Variants in NEDD9 observed in about 807,000 individuals in gnomAD.
The protein encoded by NEDD9 is enhancer of filamentation 1.
NEDD9 carries 26 observed loss-of-function variants against 76.6 expected under a neutral mutation model. The ratio of observed to expected loss-of-function variants is 0.34; its 90% CI spans 0.25 to 0.47. The LOEUF is 0.47. Ranked by LOEUF, NEDD9 falls within the 20% of genes least tolerant of loss-of-function variation. The pLI, the probability that NEDD9 is intolerant of heterozygous loss-of-function variation, is 1.00. For missense variants in NEDD9, 937 were observed against 1,058.5 expected (o/e 0.89, Z 1.59); for synonymous variants, 392 against 414.2 (o/e 0.95, Z 0.65).
At chr6:11,239,681 G>T (rs559723800) in intron 3 of NEDD9, among the ~76,000 whole-genome samples, 1 of 152,002 alleles carries the variant, frequency 6.6e-6, no homozygotes, top group African/African-American at 2.4e-5. Flanking sequence ...ACCTTACCCC[G>T]AACTACCTCG....
chr6:11,236,023 A>G (rs946812255), upstream of NEDD9, among the ~76,000 whole-genome samples: 2 of 152,220 alleles, frequency 1.3e-5, no homozygotes, highest in Non-Finnish European at 2.9e-5. The surrounding 1 kb of genome is among the most constrained non-coding windows in gnomAD (Gnocchi z 5.5). Context: ...TAATGCAGAT[A>G]GTTGTTACTT....
intron 1 of NEDD9, among the ~76,000 whole-genome samples, chr6:11,229,613 A>G (rs977048580): frequency 3.3e-5 from 5 of 152,228 alleles, no homozygotes; most frequent in Non-Finnish European, 7.3e-5. Context: ...CATGCTCTGT[A>G]TATGAAGGGG....
At chr6:11,228,081 G>A (rs1028140910) in intron 1 of NEDD9, among the ~76,000 whole-genome samples, 1 of 150,774 alleles carries the variant, frequency 6.6e-6, no homozygotes, top group Non-Finnish European at 1.5e-5. Flanking sequence ...GCAAGGGGGC[G>A]GCAGTAGATA....
At chr6:11,378,118 G>T (rs982343723) in intron 1 of NEDD9, among the ~76,000 whole-genome samples, 4 of 152,104 alleles carry the variant, frequency 2.6e-5, no homozygotes. Flanking sequence ...TGGCATGCAC[G>T]TGTAATCCCA....
chr6:11,342,006 A>C (rs1252419949), intron 1 of NEDD9, among the ~76,000 whole-genome samples: 1 of 152,180 alleles, frequency 6.6e-6, no homozygotes, highest in African/African-American at 2.4e-5. Flanking sequence ...GGGAACCCTA[A>C]AAAGAAACAA....
chr6:11,200,281 G>C (rs773012140), intron 2 of NEDD9: 1 of 457,992 alleles, frequency 2.2e-6, no homozygotes, highest in Non-Finnish European at 4.4e-6. Context: ...CCTTGCACAG[G>C]CTGAAGACAT....
intron 2 of NEDD9, among the ~76,000 whole-genome samples, chr6:11,202,716 C>T (rs1229076252): frequency 1.3e-5 from 2 of 152,196 alleles, no homozygotes; most frequent in East Asian, 1.9e-4. Flanking sequence ...TAAAAATACA[C>T]CCTCGTAAGC....
At chr6:11,242,958 G>T (rs1221663683) in intron 3 of NEDD9, among the ~76,000 whole-genome samples, 1 of 132,444 alleles carries the variant, frequency 7.6e-6, no homozygotes, top group East Asian at 2.6e-4. Flanking sequence ...TGCCAAGTGG[G>T]TAAAAGAATA....
chr6:11,263,347 C>T (rs972902697), intron 3 of NEDD9, among the ~76,000 whole-genome samples: 4 of 152,136 alleles, frequency 2.6e-5, no homozygotes, highest in Non-Finnish European at 5.9e-5. Flanking sequence ...AGGCAAAATG[C>T]CTTCTCTTGG....
intron 1 of NEDD9, among the ~76,000 whole-genome samples, chr6:11,360,961 A>G (rs1762670508): frequency 6.6e-6 from 1 of 152,244 alleles, no homozygotes; most frequent in South Asian, 2.1e-4. Flanking sequence ...GAGCCAAAGT[A>G]AAACTAATGT....
At chr6:11,218,344 AC>A (rs1759035877) in intron 1 of NEDD9, among the ~76,000 whole-genome samples, 1 of 120,952 alleles carries the variant, frequency 8.3e-6, no homozygotes. Flanking sequence ...GTCTTCAGCA[AC>A]TTTTTTTTTT....
intron 2 of NEDD9, among the ~76,000 whole-genome samples, chr6:11,329,090 A>T (rs139120125): frequency 6.6e-6 from 1 of 152,382 alleles, no homozygotes; most frequent in African/African-American, 2.4e-5. Context: ...TGCACAGCAC[A>T]TAAAGTCTTG....
At chr6:11,274,983 A>G (rs2113347944) in intron 3 of NEDD9, among the ~76,000 whole-genome samples, 1 of 152,358 alleles carries the variant, frequency 6.6e-6, no homozygotes, top group Non-Finnish European at 1.5e-5. Context: ...TATGGAATCA[A>G]CCTAAGTGTC....
At chr6:11,214,217 G>T (rs777528481) in intron 1 of NEDD9, 4 of 518,182 alleles carry the variant, frequency 7.7e-6, no homozygotes, top group Middle Eastern at 3.2e-4. Flanking sequence ...GAGTTGAAAA[G>T]CCAATAGAAG....
At chr6:11,317,450 G>A (rs979788152) in intron 2 of NEDD9, among the ~76,000 whole-genome samples, 2 of 151,824 alleles carry the variant, frequency 1.3e-5, no homozygotes, top group East Asian at 1.9e-4. Flanking sequence ...AGATAGATAG[G>A]AAGATGGTAG....
At chr6:11,314,341 G>T (rs1008243739) in intron 2 of NEDD9, among the ~76,000 whole-genome samples, 2 of 152,170 alleles carry the variant, frequency 1.3e-5, no homozygotes, top group Admixed American at 1.3e-4. Context: ...AAGACTCTCA[G>T]TGGGGCTCTG....
upstream of NEDD9, chr6:11,233,177 C>T: frequency 3.9e-6 from 2 of 513,270 alleles, no homozygotes; most frequent in Admixed American, 2.0e-5. Flanking sequence ...CTTTCCCCCT[C>T]CTCCCGCCTA....
At chr6:11,249,483 G>T (rs1438516454) in intron 3 of NEDD9, among the ~76,000 whole-genome samples, 2 of 152,060 alleles carry the variant, frequency 1.3e-5, no homozygotes, top group African/African-American at 4.8e-5. Context: ...GAAGAATTAG[G>T]TGAAAAAAGT....
At chr6:11,246,525 A>G (rs954586797) in intron 3 of NEDD9, among the ~76,000 whole-genome samples, 1 of 151,996 alleles carries the variant, frequency 6.6e-6, no homozygotes, top group Non-Finnish European at 1.5e-5. Context: ...TCATGCCAGC[A>G]TTTTTGCTGA....
Sources: allele counts gnomAD v4.1 joint callset (sites outside exome capture counted in the v4.1 genomes callset), GRCh38; gene constraint gnomAD v4.1.1; non-coding constraint Gnocchi (gnomAD v3.1); transcripts MANE v1.5; gene names NCBI Gene and HGNC (gene_info 2026-07-23, HGNC 2026-07-21).